TP63: variants seen among roughly 807,000 people sequenced by gnomAD.
TP63 encodes the protein tumor protein 63.
Under a neutral mutation model 82.8 loss-of-function variants are expected in TP63, and 17 were observed. That is an observed-to-expected ratio of 0.21 (90% CI 0.14 to 0.31). The LOEUF (loss-of-function observed/expected upper bound fraction) is 0.31. Ranked by LOEUF, TP63 falls within the 10% of genes least tolerant of loss-of-function variation. The pLI is 1.00. For missense variants in TP63, 648 were observed against 895.3 expected, an observed-to-expected ratio of 0.72 and a Z score of 3.52; for synonymous variants, 330 against 321.7, an observed-to-expected ratio of 1.03 and a Z score of -0.28.
intron 13 of TP63, 42 bp downstream of exon 13, chr3:189,890,924 T>G: frequency 6.3e-7 from 1 of 1,590,720 alleles, no homozygotes; most frequent in Non-Finnish European, 8.6e-7. Flanking sequence ...ATTTCTTCAT[T>G]TCTTTCCTCT....
Position 189,894,768 on chromosome 3 carries a change from C to T in TP63, c.*266C>T, listed in dbSNP as rs1429705700. 3 of 487,476 alleles carry T rather than the reference C, an allele frequency of 6.2e-6. No homozygotes were observed. Among genetic ancestry groups the T allele is most frequent in the African/African-American group, 5.7e-5 (3 of 52,344 alleles). The allele number at this position is 487,476 out of a possible 1,614,324, so 30.2% of individuals were successfully genotyped here. On this transcript the variant is annotated 3_prime_UTR_variant, in exon 14 of 14. Coordinates refer to ENST00000264731, the MANE Select transcript of TP63 (RefSeq NM_003722.5). ...GTGAGCAAAAAAGAGTTGGGTGTCT[C>T]CTTAAGCTGCAGAGATTTCTCATTG...
At chr3:189,739,566 A>AG (rs1720829035) in intron 3 of TP63, among the ~76,000 whole-genome samples, 1 of 152,138 alleles carries the variant, frequency 6.6e-6, no homozygotes, top group African/African-American at 2.4e-5. Flanking sequence ...AATAAGAGGG[A>AG]GGAAAAAAAC....
intron 4 of TP63, among the ~76,000 whole-genome samples, chr3:189,816,111 T>A (rs1728156213): frequency 6.6e-6 from 1 of 152,230 alleles, no homozygotes; most frequent in South Asian, 2.1e-4. Flanking sequence ...AGCTTTGAGA[T>A]TTAAAGGGCT....
At chr3:189,658,475 C>T (rs1437431727) in intron 1 of TP63, among the ~76,000 whole-genome samples, 10 of 151,898 alleles carry the variant, frequency 6.6e-5, no homozygotes, top group African/African-American at 2.2e-4. Flanking sequence ...GCAAACACTC[C>T]TCAGACAGGT....
At chr3:189,880,931 A>G in intron 10 of TP63, 18 of 985,426 alleles carry the variant, frequency 1.8e-5, no homozygotes, top group Non-Finnish European at 2.2e-5. Context: ...AAGACCTACT[A>G]CAAAAAAACT....
At chr3:189,731,365 A>C (rs1424503468) in intron 1 of TP63, among the ~76,000 whole-genome samples, 1 of 152,150 alleles carries the variant, frequency 6.6e-6, no homozygotes, top group Non-Finnish European at 1.5e-5. Flanking sequence ...AAAAAAAAGA[A>C]CACTTAGGTT....
chr3:189,840,552 G>A (rs1467965126), intron 4 of TP63, among the ~76,000 whole-genome samples: 4 of 151,600 alleles, frequency 2.6e-5, no homozygotes, highest in Admixed American at 2.0e-4. Context: ...TATTCTTTGT[G>A]TGAAATGTTA....
At chr3:189,813,851 C>A (rs1212908007) in intron 4 of TP63, among the ~76,000 whole-genome samples, 1 of 152,204 alleles carries the variant, frequency 6.6e-6, no homozygotes, top group Non-Finnish European at 1.5e-5. Flanking sequence ...GCCCTCAATT[C>A]TGACTCTGAT....
At chr3:189,610,522 C>A in the TP63 span, among the ~76,000 whole-genome samples, 18 of 152,312 alleles carry the variant, frequency 1.2e-4, no homozygotes, top group Admixed American at 8.5e-4. Flanking sequence ...ACAAGTTCCT[C>A]ATTTCCATCT....
chr3:189,656,379 C>T (rs1327515816), intron 1 of TP63, among the ~76,000 whole-genome samples: 1 of 151,970 alleles, frequency 6.6e-6, no homozygotes, highest in African/African-American at 2.4e-5. Context: ...ATAGAGGAGG[C>T]AAAATGGTCT....
chr3:189,784,074 C>T (rs868394982), intron 3 of TP63, among the ~76,000 whole-genome samples: 2 of 151,784 alleles, frequency 1.3e-5, no homozygotes, highest in Non-Finnish European at 2.9e-5. Context: ...CTGAGAGTTG[C>T]GCTTATAGTT....
chr3:189,620,837 G>A, the TP63 span, among the ~76,000 whole-genome samples: 7 of 152,172 alleles, frequency 4.6e-5, no homozygotes, highest in Middle Eastern at 3.2e-3. Context: ...CCCACACTCC[G>A]TACCACACAT....
intron 3 of TP63, among the ~76,000 whole-genome samples, chr3:189,745,722 A>AG (rs893748398): frequency 1.3e-5 from 2 of 150,228 alleles, no homozygotes; most frequent in Admixed American, 6.6e-5. Context: ...AAAAAAAAAA[A>AG]AAAAAAAAAG....
chr3:189,730,272 C>T (rs1318740191), intron 1 of TP63, among the ~76,000 whole-genome samples: 1 of 152,206 alleles, frequency 6.6e-6, no homozygotes. Context: ...TCAGTTCCTT[C>T]TGGCAACATT....
rs1464904597 is a variant in TP63 at position 189,896,938 on chromosome 3, CAG to C, written c.*2438_*2439del. ...GTTTTTGTTTGGAGACGTTTATAAA[CAG>C]AAATGGAAAGCAGAGTTTTCATTAA... On this transcript the variant is annotated 3_prime_UTR_variant, in exon 14 of 14. Coordinates refer to ENST00000264731, the MANE Select transcript of TP63 (RefSeq NM_003722.5). 4.4e-6 allele frequency: 1 copy of C among 225,246 alleles called. No homozygotes were observed. The highest frequency in any genetic ancestry group is 8.8e-6 in the Non-Finnish European group (1 of 113,166). The allele number at this position is 225,246 out of a possible 1,614,324, so 14.0% of individuals were successfully genotyped here.
intron 3 of TP63, among the ~76,000 whole-genome samples, chr3:189,752,591 A>C (rs1005712265): frequency 6.6e-6 from 1 of 151,940 alleles, no homozygotes; most frequent in Non-Finnish European, 1.5e-5. Flanking sequence ...AGGTTTATCA[A>C]TTTTATTTAT....
intron 4 of TP63, among the ~76,000 whole-genome samples, chr3:189,846,476 A>G (rs1267655146): frequency 1.3e-5 from 2 of 152,160 alleles, no homozygotes; most frequent in Non-Finnish European, 2.9e-5. Context: ...TATTAGGCTC[A>G]TCATTCTTGC....
chr3:189,618,399 C>T, the TP63 span, among the ~76,000 whole-genome samples: 1 of 152,224 alleles, frequency 6.6e-6, no homozygotes, highest in African/African-American at 2.4e-5. Flanking sequence ...AAGCAGCACT[C>T]TTGTTGGCTG....
chr3:189,627,324 CGA>C (rs1426113694), upstream of TP63, among the ~76,000 whole-genome samples: 1 of 152,016 alleles, frequency 6.6e-6, no homozygotes, highest in Non-Finnish European at 1.5e-5. Flanking sequence ...AACAAACAAA[CGA>C]GAGATCCACA....
Sources: allele counts gnomAD v4.1 joint callset (sites outside exome capture counted in the v4.1 genomes callset), GRCh38; gene constraint gnomAD v4.1.1; transcripts MANE v1.5; gene names NCBI Gene and HGNC (gene_info 2026-07-23, HGNC 2026-07-21).